Variants in CDYL observed in about 807,000 individuals in gnomAD.
CDYL encodes the protein chromodomain Y-like protein.
CDYL carries 8 observed loss-of-function variants against 47.3 expected under a neutral mutation model. The observed-to-expected ratio is 0.17, with a 90% CI of 0.10 to 0.31. The LOEUF (loss-of-function observed/expected upper bound fraction) is 0.31, where lower values mean the gene tolerates loss of function less well. Ranked by LOEUF, CDYL falls within the 10% of genes least tolerant of loss-of-function variation. The pLI is 1.00. For missense variants in CDYL, 471 were observed against 701.4 expected (o/e 0.67, Z 3.71); for synonymous variants, 266 against 265.0 (o/e 1.00, Z -0.04).
At chr6:4,902,263 G>A (rs987693694) in intron 2 of CDYL, among the ~76,000 whole-genome samples, 37 of 152,020 alleles carry the variant, frequency 2.4e-4, no homozygotes, top group South Asian at 1.0e-3. Context: ...AAAATTAGCC[G>A]GGCGTGGTGG....
chr6:4,717,145 G>T, intron 2 of CDYL, among the ~76,000 whole-genome samples: 1 of 152,248 alleles, frequency 6.6e-6, no homozygotes, highest in South Asian at 2.1e-4. Flanking sequence ...AGAGGTTGTC[G>T]TGGCTGGAGC....
chr6:4,767,674 TTC>T (rs1758276963), intron 3 of CDYL, among the ~76,000 whole-genome samples: 1 of 152,054 alleles, frequency 6.6e-6, no homozygotes, highest in Non-Finnish European at 1.5e-5. Flanking sequence ...GCCTACAAAA[TTC>T]CTTCAGCAAA....
intron 1 of CDYL, among the ~76,000 whole-genome samples, chr6:4,833,962 T>C (rs977851651): frequency 3.3e-5 from 5 of 151,708 alleles, no homozygotes; most frequent in Admixed American, 3.3e-4. Context: ...TGAGCCTATG[T>C]GTGTCTCTGC....
intron 1 of CDYL, among the ~76,000 whole-genome samples, chr6:4,708,008 CAT>C (rs1227985577): frequency 1.3e-5 from 2 of 150,676 alleles, no homozygotes; most frequent in Non-Finnish European, 2.9e-5. Flanking sequence ...TCTGTGATGG[CAT>C]TGTAGTTGGA....
chr6:4,758,374 C>G (rs1316247466), intron 3 of CDYL, among the ~76,000 whole-genome samples: 1 of 110,440 alleles, frequency 9.1e-6, no homozygotes, highest in Admixed American at 8.6e-5. Context: ...ATATATATCT[C>G]TTTGTGGCCA....
chr6:4,939,962 C>A lies in CDYL; in HGVS notation c.1121+2225C>A, dbSNP rs144035903. Among the ~76,000 whole-genome samples, 573 of 152,196 alleles carry A rather than the reference C, an allele frequency of 3.8e-3. 7 individuals carry two copies. Among genetic ancestry groups the A allele is most frequent in the African/African-American group, 0.013 (550 of 41,550 alleles). ...TTTTCCCGTGTAGGCTTTTCCCTGG[C>A]TCCACTTGTGAGCCCGCTGGTGCCT... On this transcript the variant is annotated intron_variant, in intron 4 of 6. Transcript: ENST00000397588.
intron 1 of CDYL, among the ~76,000 whole-genome samples, chr6:4,874,746 A>C (rs919403175): frequency 2.0e-5 from 3 of 152,168 alleles, no homozygotes; most frequent in African/African-American, 7.2e-5. Flanking sequence ...ATGGATAAGC[A>C]CTGTTCTCAT....
chr6:4,874,995 A>G lies in CDYL; in HGVS notation c.25-16718A>G, dbSNP rs554103351. Among the ~76,000 whole-genome samples the G allele has an allele frequency of 5.3e-5, 8 of 152,264 alleles. No individual in the cohort carries two copies. In the East Asian group the frequency reaches 1.2e-3, roughly 22 times the overall value. The stretch of plus-strand genomic sequence containing the variant: ...TCTGGTTCTTATGACTAAAGTGGCT[A>G]TGAACATTCTTGCGTGGGTCTTTCT... On this transcript the variant is annotated intron_variant, in intron 1 of 6. Transcript: ENST00000397588.
At chr6:4,737,264 G>A (rs529154626) in intron 3 of CDYL, among the ~76,000 whole-genome samples, 18 of 152,210 alleles carry the variant, frequency 1.2e-4, no homozygotes, top group African/African-American at 4.1e-4. Context: ...TAGAAGGAAC[G>A]ATGGGGGAAA....
At chr6:4,937,295 A>G (rs1030773385) in intron 3 of CDYL, among the ~76,000 whole-genome samples, 2 of 152,144 alleles carry the variant, frequency 1.3e-5, no homozygotes, top group Non-Finnish European at 2.9e-5. Flanking sequence ...GGAGTTCAAG[A>G]CCACCCTAGA....
rs577198224 is a variant in CDYL, at chr6:4,925,313, A to C, written c.692-10202A>C. ...AATGTCTTTCTTAGAGATGGCTAAG[A>C]ATGAGCACATTTAGTGAACTATATA... On this transcript the variant is annotated intron_variant, in intron 2 of 6. Transcript: ENST00000397588. Among the ~76,000 whole-genome samples the C allele has an allele frequency of 2.6e-5, 4 of 152,298 alleles. No homozygotes were observed. In the South Asian group the frequency reaches 8.3e-4, roughly 32 times the overall value.
chr6:4,834,778 TA>T (rs936393368), intron 1 of CDYL, among the ~76,000 whole-genome samples: 5 of 152,196 alleles, frequency 3.3e-5, no homozygotes, highest in Admixed American at 1.3e-4. Context: ...CATTTCTTTT[TA>T]TTTTTTTTTC....
At chr6:4,724,851 T>C (rs1432561303) in intron 2 of CDYL, 6 of 152,258 alleles carry the variant, frequency 3.9e-5, no homozygotes, top group South Asian at 2.1e-4. Context: ...AAAATAAAGC[T>C]TCCAAACCGT....
At chr6:4,931,696 G>A (rs1758038451) in intron 2 of CDYL, among the ~76,000 whole-genome samples, 1 of 152,110 alleles carries the variant, frequency 6.6e-6, no homozygotes, top group African/African-American at 2.4e-5. Flanking sequence ...CTACTCAGAT[G>A]AGTAACAGGG....
intron 1 of CDYL, among the ~76,000 whole-genome samples, chr6:4,819,116 T>TTCTTTCTCTCTCTC (rs1759753098): frequency 1.3e-5 from 1 of 76,672 alleles, no homozygotes; most frequent in East Asian, 4.4e-4. Flanking sequence ...TTTAGGTTCG[T>TTCTTTCTCTCTCTC]TCTCTCTCTC....
chr6:4,770,017 A>C (rs2127425312), intron 3 of CDYL, among the ~76,000 whole-genome samples: 1 of 146,034 alleles, frequency 6.8e-6, no homozygotes, highest in Non-Finnish European at 1.5e-5. Context: ...GTGTATTTTT[A>C]GAAGAGATGG....
chr6:4,835,047 G>T (rs1012667041), intron 1 of CDYL, among the ~76,000 whole-genome samples: 5 of 151,942 alleles, frequency 3.3e-5, no homozygotes, highest in African/African-American at 9.7e-5. Context: ...TAGTTTGATC[G>T]TCTGAAGCCT....
chr6:4,905,635 CAG>C (rs938219459), intron 2 of CDYL, among the ~76,000 whole-genome samples: 3 of 152,214 alleles, frequency 2.0e-5, no homozygotes, highest in Non-Finnish European at 4.4e-5. Flanking sequence ...CTGCCTGGGT[CAG>C]AGCCGAAGGG....
intron 1 of CDYL, among the ~76,000 whole-genome samples, chr6:4,809,634 G>A (rs957866748): frequency 1.3e-5 from 2 of 150,374 alleles, no homozygotes; most frequent in Non-Finnish European, 3.0e-5. Context: ...AGTCCTTGGT[G>A]ATATTTTGTA....
Sources: gnomAD v4.1 joint callset for allele counts (sites outside exome capture counted in the v4.1 genomes callset) on GRCh38, gnomAD v4.1.1 for gene constraint, MANE v1.5 for transcripts, NCBI Gene and HGNC (gene_info 2026-07-23, HGNC 2026-07-21) for gene names.